METTL6: variants seen among roughly 807,000 people sequenced by gnomAD.
METTL6 encodes the protein methyltransferase 6, tRNA N3-cytidine.
A neutral mutation model predicts 26.4 loss-of-function variants in METTL6; 22 were observed. The ratio of observed to expected loss-of-function variants is 0.83; its 90% CI spans 0.59 to 1.19. METTL6 has a LOEUF of 1.19. Ranked by LOEUF, METTL6 falls within the 50% of genes most tolerant of loss-of-function variation. The pLI, the probability that METTL6 is intolerant of heterozygous loss-of-function variation, is 0.00. For synonymous variants in METTL6, 109 were observed against 116.2 expected, an observed-to-expected ratio of 0.94 and a Z score of 0.40; for missense variants, 304 against 324.8, an observed-to-expected ratio of 0.94 and a Z score of 0.49.
At chr3:15,425,235 G>T in intron 2 of METTL6, 146 bp from the exon 3 acceptor site, 3 of 789,456 alleles carry the variant, frequency 3.8e-6, no homozygotes, top group Non-Finnish European at 6.0e-6. Flanking sequence ...GCTAATACTG[G>T]TACTTCATTT....
chr3:15,412,036 A>G (rs970918865), intron 5 of METTL6, among the ~76,000 whole-genome samples: 1 of 152,204 alleles, frequency 6.6e-6, no homozygotes, highest in African/African-American at 2.4e-5. Flanking sequence ...AAGTGCTGAG[A>G]TAACACGCAT....
In METTL6 at chr3:15,425,159, G is replaced by T; in HGVS notation, c.226-70C>A. 4 of 1,567,434 alleles carry T rather than the reference G, an allele frequency of 2.6e-6. No homozygotes were observed. The South Asian group carries it at 3.4e-5, about 13-fold the overall frequency. Reference sequence around the variant, plus strand: ...ATGAAGAAATAAACCAAACTAAAAGGTCCAGAATATGAGAGGTCTCCGACC... The same window carrying T: ...ATGAAGAAATAAACCAAACTAAAAGTTCCAGAATATGAGAGGTCTCCGACC... On this transcript the variant is annotated intron_variant, in intron 2 of 5. Coordinates refer to ENST00000383790, the MANE Select transcript of METTL6 (RefSeq NM_152396.4).
At chr3:15,406,621 TATATATATAGAGAGAGAGAGAGAG>T (rs1484382969), downstream of METTL6, among the ~76,000 whole-genome samples, 1 of 41,218 alleles carries the variant, frequency 2.4e-5, no homozygotes, top group Admixed American at 2.9e-4. Flanking sequence ...TATATATATA[TATATATATAGAGAGAGAGAGAGAG>T]AGAGAGAGAG....
intron 6 of METTL6, among the ~76,000 whole-genome samples, chr3:15,402,678 G>A (rs1412445769): frequency 6.7e-6 from 1 of 149,294 alleles, no homozygotes; most frequent in Non-Finnish European, 1.5e-5. Context: ...AGGTTGCAGT[G>A]AGCCGAGATG....
At position 15,411,294 on chromosome 3, in the gene METTL6, G is replaced by A. The variant is rs761530981; in HGVS notation, c.817C>T (p.Pro273Ser). Reference sequence around the variant, plus strand: ...TCCAGGCCCAGGACCACAGGAGATGGGTTCTTAGGAGGCTTTAGAAATTTG... The same window carrying A: ...TCCAGGCCCAGGACCACAGGAGATGAGTTCTTAGGAGGCTTTAGAAATTTG... ...QSKFLKPPKN[P>S]SPVVLGLDPK... Residue 273 changes from proline (P) to serine (S), a missense_variant, in exon 6 of 6, where the codon CCA (proline) becomes TCA (serine). Coordinates refer to ENST00000383790, the MANE Select transcript of METTL6 (RefSeq NM_152396.4). 11 of 1,614,186 alleles carry A rather than the reference G, an allele frequency of 6.8e-6. No individual in the cohort carries two copies. The highest frequency in any genetic ancestry group is 9.3e-6 in the Non-Finnish European group (11 of 1,180,012).
chr3:15,404,022 A>G (rs1428726204), intron 6 of METTL6, among the ~76,000 whole-genome samples: 1 of 152,112 alleles, frequency 6.6e-6, no homozygotes, highest in Non-Finnish European at 1.5e-5. Context: ...TGGCTTCTTT[A>G]TTACAACCTG....
chr3:15,395,759 A>G (rs113572375), intron 6 of METTL6, among the ~76,000 whole-genome samples: 77 of 152,180 alleles, frequency 5.1e-4, no homozygotes, highest in African/African-American at 1.4e-3. Flanking sequence ...TATGAAGTTT[A>G]GTTTGGCTGG....
chr3:15,403,814 T>A (rs1699711814), intron 6 of METTL6, among the ~76,000 whole-genome samples: 1 of 152,146 alleles, frequency 6.6e-6, no homozygotes, highest in Non-Finnish European at 1.5e-5. Flanking sequence ...GGGCTGCTGG[T>A]TGCCCATTTT....
chr3:15,395,027 A>G (rs1037686224), intron 6 of METTL6, among the ~76,000 whole-genome samples: 1 of 152,258 alleles, frequency 6.6e-6, no homozygotes, highest in African/African-American at 2.4e-5. Context: ...CACTTGGTGC[A>G]GAGCTGAGTT....
chr3:15,425,906 G>C (rs914689915), intron 2 of METTL6, among the ~76,000 whole-genome samples: 2 of 152,014 alleles, frequency 1.3e-5, no homozygotes, highest in Admixed American at 6.6e-5. Context: ...TCTCTACTTC[G>C]CACTCTCCCT....
At chr3:15,427,584 G>C (rs552476954), upstream of METTL6, 13 of 582,418 alleles carry the variant, frequency 2.2e-5, no homozygotes, top group Non-Finnish European at 6.1e-6. Flanking sequence ...CCACGGCCTT[G>C]CCTCCTCAGA....
At chr3:15,407,258 G>A (rs892764639), downstream of METTL6, among the ~76,000 whole-genome samples, 7 of 152,038 alleles carry the variant, frequency 4.6e-5, no homozygotes, top group Admixed American at 2.0e-4. Context: ...GGCCTCATGT[G>A]ATCTGCCCAC....
At chr3:15,396,147 T>C (rs897662898) in intron 6 of METTL6, among the ~76,000 whole-genome samples, 1 of 152,224 alleles carries the variant, frequency 6.6e-6, no homozygotes, top group Non-Finnish European at 1.5e-5. Flanking sequence ...AAACGTAGAT[T>C]TGGTCTTTTC....
intron 6 of METTL6, among the ~76,000 whole-genome samples, chr3:15,403,476 C>T (rs774446173): frequency 3.3e-5 from 5 of 152,164 alleles, no homozygotes; most frequent in Admixed American, 6.6e-5. Context: ...GAATATAATG[C>T]CTCCACTGTG....
chr3:15,388,109 T>C (rs1429784315), intron 6 of METTL6, among the ~76,000 whole-genome samples: 1 of 151,870 alleles, frequency 6.6e-6, no homozygotes, highest in Non-Finnish European at 1.5e-5. Flanking sequence ...TTGTTGTTGT[T>C]GTTGTTGTTG....
At chr3:15,403,126 A>G (rs1699692943) in intron 6 of METTL6, among the ~76,000 whole-genome samples, 2 of 152,148 alleles carry the variant, frequency 1.3e-5, no homozygotes, top group Non-Finnish European at 2.9e-5. Context: ...GACTTCAGGA[A>G]TATGCCACCA....
rs573164197 is a variant in METTL6 at position 15,392,088 on chromosome 3, T to G, written c.*12-7901A>C. Among the ~76,000 whole-genome samples, 42 of 152,324 alleles carry G rather than the reference T, an allele frequency of 2.8e-4. No homozygotes were observed. The South Asian group carries it at 4.6e-3, about 17-fold the overall frequency. On this transcript the variant is annotated intron_variant, in intron 6 of 6. Transcript: ENST00000443029. ...GGAATCACCACACTGACTTCCACAATGGTTGAACTAGTTTACAGTCCCACC... is the reference window on the plus strand; with the variant it reads ...GGAATCACCACACTGACTTCCACAAGGGTTGAACTAGTTTACAGTCCCACC...
At chr3:15,422,933 A>C (rs553390558) in intron 3 of METTL6, among the ~76,000 whole-genome samples, 1 of 152,376 alleles carries the variant, frequency 6.6e-6, no homozygotes, top group East Asian at 1.9e-4. Context: ...ATTTAAATTT[A>C]ACTTCTAGTT....
At chr3:15,388,036 C>T (rs1256250045) in intron 6 of METTL6, among the ~76,000 whole-genome samples, 1 of 151,994 alleles carries the variant, frequency 6.6e-6, no homozygotes, top group Non-Finnish European at 1.5e-5. Flanking sequence ...TGCGGGAGAC[C>T]AGAGTTTTAT....
Sources: allele counts gnomAD v4.1 joint callset (sites outside exome capture counted in the v4.1 genomes callset), GRCh38; gene constraint gnomAD v4.1.1; transcripts MANE v1.5; gene names NCBI Gene and HGNC (gene_info 2026-07-23, HGNC 2026-07-21).